RNGTT: variants seen among roughly 807,000 people sequenced by gnomAD.
The protein encoded by RNGTT is mRNA-capping enzyme.
A neutral mutation model predicts 79.3 loss-of-function variants in RNGTT; 33 were observed. The ratio of observed to expected loss-of-function variants is 0.42; its 90% CI spans 0.32 to 0.56. The LOEUF is 0.56. RNGTT is among the 20% of genes least tolerant of loss of function. The probability of loss-of-function intolerance (pLI) is 0.17; values close to 1 mark genes in which losing one functional copy is unlikely to be tolerated. For missense variants in RNGTT, 497 were observed against 739.1 expected (o/e 0.67, Z 3.80); for synonymous variants, 222 against 235.9 (o/e 0.94, Z 0.54).
chr6:88,616,363 ACACC>A, intron 14 of RNGTT, among the ~76,000 whole-genome samples: 1 of 152,310 alleles, frequency 6.6e-6, no homozygotes, highest in Non-Finnish European at 1.5e-5. Flanking sequence ...TTTTGGCTAT[ACACC>A]CAGAGGCAGT....
At chr6:88,749,875 T>C (rs2127829715) in intron 13 of RNGTT, among the ~76,000 whole-genome samples, 1 of 152,290 alleles carries the variant, frequency 6.6e-6, no homozygotes, top group Non-Finnish European at 1.5e-5. Context: ...CTCCAACACC[T>C]GTAGGGAAGA....
In RNGTT at chr6:88,666,269, A is replaced by T. The variant is rs571641551; in HGVS notation, c.1506+12084T>A. ...ATTGTATGTGTCAGAAAGAAAAAAA[A>T]TAGCAGTCGGAGTTTTAACCCAAGA... On this transcript the variant is annotated intron_variant, in intron 14 of 15. Coordinates refer to ENST00000369485, the MANE Select transcript of RNGTT (RefSeq NM_003800.5). Among the ~76,000 whole-genome samples, 7 of 152,330 alleles carry T rather than the reference A, an allele frequency of 4.6e-5. No individual in the cohort carries two copies. The South Asian group carries it at 1.5e-3, about 32-fold the overall frequency.
intron 11 of RNGTT, among the ~76,000 whole-genome samples, chr6:88,811,138 C>A (rs1474216854): frequency 6.6e-6 from 1 of 152,080 alleles, no homozygotes; most frequent in East Asian, 1.9e-4. Flanking sequence ...ATTGAAAAAT[C>A]TTGGAGAAAT....
chr6:88,963,583 G>C lies in RNGTT; in HGVS notation c.-174C>G. 7 of 562,184 alleles carry C rather than the reference G, an allele frequency of 1.2e-5. No individual in the cohort carries two copies. The highest frequency in any genetic ancestry group is 1.8e-5 in the Non-Finnish European group (6 of 331,224). The allele number at this position is 562,184 out of a possible 1,614,324, so 34.8% of individuals were successfully genotyped here. On this transcript the variant is annotated 5_prime_UTR_variant, in exon 1 of 16. Transcript: ENST00000369485. ...AGGGGCGGCGCGCCACTTTCATTCA[G>C]GATCAACTCCACAGCTCCAGGAGAA...
At chr6:88,713,722 T>C (rs1315159410) in intron 13 of RNGTT, among the ~76,000 whole-genome samples, 4 of 152,236 alleles carry the variant, frequency 2.6e-5, no homozygotes, top group Non-Finnish European at 5.9e-5. Context: ...GCCATATTTC[T>C]TAACAAGAAA....
Position 88,933,503 on chromosome 6 carries a change from T to C in RNGTT, c.175-4236A>G, listed in dbSNP as rs934878569. On this transcript the variant is annotated intron_variant, in intron 2 of 15. Transcript: ENST00000369485. Reference sequence around the variant, plus strand: ...AGATCAGTTTTTTTTTTTTAAGAGATAGAGTCTCACTCTGTTGCCCCGGCT... The same window carrying C: ...AGATCAGTTTTTTTTTTTTAAGAGACAGAGTCTCACTCTGTTGCCCCGGCT... 3.3e-5 allele frequency among the ~76,000 whole-genome samples: 5 copies of C among 152,060 alleles called. No homozygotes were observed. In the East Asian group the frequency reaches 7.7e-4, roughly 23 times the overall value.
Position 88,744,288 on chromosome 6 carries a change from T to G in RNGTT, c.1439+25486A>C, listed in dbSNP as rs189343867. 2.0e-5 allele frequency among the ~76,000 whole-genome samples: 3 copies of G among 152,092 alleles called. No individual in the cohort carries two copies. The East Asian group carries it at 5.8e-4, about 29-fold the overall frequency. ...ATTTATTTATTTTTTTGAGACAGAG[T>G]TTTGCTCTTGTCATCCAGGCTGGAG... is the stretch of plus-strand genomic sequence containing the variant. On this transcript the variant is annotated intron_variant, in intron 13 of 15. Transcript: ENST00000369485.
intron 13 of RNGTT, among the ~76,000 whole-genome samples, chr6:88,722,838 T>G (rs1776750418): frequency 6.6e-6 from 1 of 152,178 alleles, no homozygotes; most frequent in East Asian, 1.9e-4. Context: ...ATTCCTATCA[T>G]CTAGTGACAT....
At chr6:88,900,631 G>A (rs991576318) in intron 6 of RNGTT, among the ~76,000 whole-genome samples, 1 of 151,802 alleles carries the variant, frequency 6.6e-6, no homozygotes, top group African/African-American at 2.4e-5. Flanking sequence ...CTACTCAGGA[G>A]GCTGAGGCAG....
At chr6:88,774,917 C>T (rs1778820887) in intron 12 of RNGTT, among the ~76,000 whole-genome samples, 1 of 151,982 alleles carries the variant, frequency 6.6e-6, no homozygotes, top group Non-Finnish European at 1.5e-5. Flanking sequence ...CAACACTGTC[C>T]ATGTAATTAG....
chr6:88,945,269 GAGACTTGCAACCA>G (rs1232028319), intron 1 of RNGTT, among the ~76,000 whole-genome samples: 1 of 152,174 alleles, frequency 6.6e-6, no homozygotes, highest in African/African-American at 2.4e-5. Flanking sequence ...AACTCTCTAA[GAGACTTGCAACCA>G]AGTAGCTCAT....
intron 11 of RNGTT, among the ~76,000 whole-genome samples, chr6:88,841,567 C>T (rs1352948726): frequency 6.6e-6 from 1 of 152,132 alleles, no homozygotes; most frequent in East Asian, 1.9e-4. Context: ...TTCATGGCCA[C>T]CAATTTTTCA....
chr6:88,878,994 G>A (rs770762624), intron 8 of RNGTT, among the ~76,000 whole-genome samples: 1 of 151,948 alleles, frequency 6.6e-6, no homozygotes, highest in Admixed American at 6.6e-5. Flanking sequence ...CTGAACATTC[G>A]GCTCCAGTCA....
intron 13 of RNGTT, among the ~76,000 whole-genome samples, chr6:88,741,287 C>T (rs1777482571): frequency 6.6e-6 from 1 of 152,132 alleles, no homozygotes; most frequent in African/African-American, 2.4e-5. Context: ...GAAATCATGT[C>T]CTTTGCAGCG....
chr6:88,744,564 C>G (rs1188820074), intron 13 of RNGTT, among the ~76,000 whole-genome samples: 4 of 152,072 alleles, frequency 2.6e-5, no homozygotes, highest in African/African-American at 9.7e-5. Context: ...CCGGCCTGTT[C>G]TTACTACTCT....
chr6:88,905,312 T>C (rs1783616995), intron 5 of RNGTT, among the ~76,000 whole-genome samples: 1 of 152,122 alleles, frequency 6.6e-6, no homozygotes, highest in African/African-American at 2.4e-5. Context: ...AGCATATTGA[T>C]TTTACAGGAA....
intron 13 of RNGTT, among the ~76,000 whole-genome samples, chr6:88,679,116 A>G (rs982780093): frequency 6.6e-6 from 1 of 152,148 alleles, no homozygotes; most frequent in African/African-American, 2.4e-5. Context: ...ACCACTATGC[A>G]CTGTACAGGA....
At chr6:88,949,121 TA>T (rs1388854527) in intron 1 of RNGTT, among the ~76,000 whole-genome samples, 12 of 25,102 alleles carry the variant, frequency 4.8e-4, no homozygotes, top group Admixed American at 1.9e-3. Flanking sequence ...AAAAATAAAT[TA>T]AAAAAAATAA....
chr6:88,809,947 C>G (rs1355403184), intron 11 of RNGTT, among the ~76,000 whole-genome samples: 1 of 151,870 alleles, frequency 6.6e-6, no homozygotes, highest in Non-Finnish European at 1.5e-5. Context: ...ACTCAGGAGG[C>G]TGAGGCAGAA....
Sources: allele counts gnomAD v4.1 joint callset (sites outside exome capture counted in the v4.1 genomes callset), GRCh38; gene constraint gnomAD v4.1.1; transcripts MANE v1.5; gene names NCBI Gene and HGNC (gene_info 2026-07-23, HGNC 2026-07-21).